FRMD5: variants seen among roughly 807,000 people sequenced by gnomAD.
The protein encoded by FRMD5 is FERM domain containing 5, also known as FERM domain-containing protein 5.
Under a neutral mutation model 69.0 loss-of-function variants are expected in FRMD5, and 20 were observed. That is an observed-to-expected ratio of 0.29 (90% CI 0.20 to 0.42). FRMD5 has a LOEUF of 0.42. Ranked by LOEUF, FRMD5 falls within the 10% of genes least tolerant of loss-of-function variation. FRMD5 has a pLI of 1.00. For missense variants in FRMD5, 595 were observed against 708.6 expected (o/e 0.84, Z 1.82); for synonymous variants, 271 against 260.1 (o/e 1.04, Z -0.40).
At chr15:44,144,541 G>C (rs74009176) in intron 1 of FRMD5, among the ~76,000 whole-genome samples, 1 of 152,244 alleles carries the variant, frequency 6.6e-6, no homozygotes, top group African/African-American at 2.4e-5. Context: ...GGACTTTGTG[G>C]TTCAGGGTCC....
At chr15:44,093,724 C>T (rs925313199) in intron 1 of FRMD5, among the ~76,000 whole-genome samples, 3 of 152,034 alleles carry the variant, frequency 2.0e-5, no homozygotes, top group Admixed American at 6.5e-5. Context: ...AGGTGCCCTC[C>T]ACCATGCCCG....
intron 1 of FRMD5, among the ~76,000 whole-genome samples, chr15:44,073,669 C>G (rs141321202): frequency 1.2e-3 from 183 of 152,270 alleles, no homozygotes; most frequent in Non-Finnish European, 2.1e-3. Context: ...GGGTCACTCT[C>G]TAATGGATGC....
At chr15:43,981,344 A>G (rs1277827714) in intron 1 of FRMD5, among the ~76,000 whole-genome samples, 1 of 152,204 alleles carries the variant, frequency 6.6e-6, no homozygotes, top group East Asian at 1.9e-4. Context: ...ACCACAAGGA[A>G]GAGGAAATAT....
In FRMD5 at chr15:43,885,774, C is replaced by T. The variant is rs748250561; in HGVS notation, c.885-19G>A. The stretch of plus-strand genomic sequence containing the variant: ...CTCCAGCCTGTAGCAAGGCAAAGTC[C>T]AGTGTGATAGACAGCCTGAACTGCC... On this transcript the variant is annotated intron_variant, in intron 10 of 13. Coordinates refer to ENST00000417257, the MANE Select transcript of FRMD5 (RefSeq NM_032892.5). 1.7e-5 allele frequency: 27 copies of T among 1,608,704 alleles called. 1 individual carries two copies. In the South Asian group the frequency reaches 2.0e-4, roughly 12 times the overall value.
intron 1 of FRMD5, among the ~76,000 whole-genome samples, chr15:44,007,935 C>T (rs908413556): frequency 3.3e-5 from 5 of 152,064 alleles, no homozygotes; most frequent in East Asian, 1.9e-4. Flanking sequence ...TGAGCCACTG[C>T]GCCTGGCTGC....
chr15:43,972,512 T>C (rs2090396667), intron 1 of FRMD5, among the ~76,000 whole-genome samples: 1 of 152,172 alleles, frequency 6.6e-6, no homozygotes, highest in Non-Finnish European at 1.5e-5. Flanking sequence ...CTAGTAGATC[T>C]GGGGCATCTT....
chr15:44,075,449 T>C (rs1295770477), intron 1 of FRMD5, among the ~76,000 whole-genome samples: 2 of 152,108 alleles, frequency 1.3e-5, no homozygotes, highest in Non-Finnish European at 2.9e-5. Flanking sequence ...ATTTCCATCA[T>C]TAAAAAAAAG....
intron 1 of FRMD5, among the ~76,000 whole-genome samples, chr15:43,994,028 A>T (rs550870021): frequency 9.8e-5 from 15 of 152,336 alleles, no homozygotes; most frequent in African/African-American, 2.6e-4. Context: ...TTTTAAATTA[A>T]TTCAACCATT....
At chr15:43,992,075 A>G (rs1290839119) in intron 1 of FRMD5, among the ~76,000 whole-genome samples, 2 of 152,194 alleles carry the variant, frequency 1.3e-5, no homozygotes, top group East Asian at 1.9e-4. Context: ...GCTTTCTACT[A>G]TAATTCTGGC....
At chr15:44,035,826 C>A (rs909320903) in intron 1 of FRMD5, among the ~76,000 whole-genome samples, 1 of 152,094 alleles carries the variant, frequency 6.6e-6, no homozygotes, top group Non-Finnish European at 1.5e-5. Context: ...ACTTGAGTAG[C>A]CCCATGCTAC....
chr15:43,946,947 C>T (rs927727376), intron 1 of FRMD5, among the ~76,000 whole-genome samples: 2 of 152,200 alleles, frequency 1.3e-5, no homozygotes, highest in Non-Finnish European at 2.9e-5. Flanking sequence ...CACCAGGTAA[C>T]ACCATTTCTA....
intron 1 of FRMD5, among the ~76,000 whole-genome samples, chr15:43,992,344 T>A (rs376383997): frequency 1.9e-4 from 1 of 5,130 alleles, no homozygotes; most frequent in Non-Finnish European, 6.0e-3. Context: ...TTGTAAATTC[T>A]TTTTTTTTTT....
intron 1 of FRMD5, chr15:43,989,316 G>A: frequency 1.3e-6 from 1 of 785,308 alleles, no homozygotes; most frequent in Non-Finnish European, 2.4e-6. Context: ...ACGGGTCTTT[G>A]AGGATGTCCA....
intron 2 of FRMD5, among the ~76,000 whole-genome samples, chr15:43,921,486 T>C (rs981515134): frequency 6.6e-6 from 1 of 152,092 alleles, no homozygotes; most frequent in Non-Finnish European, 1.5e-5. Context: ...TGGAGGATAG[T>C]AGCAAGGGGT....
chr15:44,006,859 G>A (rs545790027), intron 1 of FRMD5, among the ~76,000 whole-genome samples: 13 of 152,348 alleles, frequency 8.5e-5, no homozygotes, highest in African/African-American at 2.9e-4. Context: ...GACAACAAAG[G>A]ATTTAGAATA....
intron 5 of FRMD5, among the ~76,000 whole-genome samples, chr15:43,906,703 G>A (rs1242282933): frequency 2.7e-5 from 4 of 150,100 alleles, no homozygotes; most frequent in Non-Finnish European, 5.9e-5. Flanking sequence ...CTGGGTTCAC[G>A]CCATTCTCCT....
At chr15:43,955,646 T>C (rs2090103181) in intron 1 of FRMD5, among the ~76,000 whole-genome samples, 1 of 152,166 alleles carries the variant, frequency 6.6e-6, no homozygotes, top group African/African-American at 2.4e-5. Context: ...AATAAGTTTG[T>C]TTTTGTTAAG....
intron 1 of FRMD5, among the ~76,000 whole-genome samples, chr15:44,124,949 T>C (rs2077005954): frequency 6.6e-6 from 1 of 151,674 alleles, no homozygotes; most frequent in Non-Finnish European, 1.5e-5. Context: ...TATAGTGAGA[T>C]CTCATCTCAA....
chr15:44,193,822 A>C (rs2078235070), intron 1 of FRMD5, among the ~76,000 whole-genome samples: 1 of 152,238 alleles, frequency 6.6e-6, no homozygotes, highest in Non-Finnish European at 1.5e-5. Context: ...GTCAGCAAAA[A>C]TAAATAAATA....
Sources: gnomAD v4.1 joint callset for allele counts (sites outside exome capture counted in the v4.1 genomes callset) on GRCh38, gnomAD v4.1.1 for gene constraint, MANE v1.5 for transcripts, NCBI Gene and HGNC (gene_info 2026-07-23, HGNC 2026-07-21) for gene names.